LPP: variants seen among roughly 807,000 people sequenced by gnomAD.
The protein encoded by LPP is lipoma-preferred partner.
LPP carries 38 observed loss-of-function variants against 60.4 expected under a neutral mutation model. The observed-to-expected ratio is 0.63, with a 90% confidence interval of 0.49 to 0.83. The LOEUF (loss-of-function observed/expected upper bound fraction) is 0.83, where lower values mean the gene tolerates loss of function less well. Among genes scored for constraint, LPP ranks in the 40% least tolerant of loss-of-function variants. LPP has a pLI of 0.00. For synonymous variants in LPP, 328 were observed against 290.8 expected, an observed-to-expected ratio of 1.13 and a Z score of -1.30; for missense variants, 902 against 783.6, an observed-to-expected ratio of 1.15 and a Z score of -1.80.
At chr3:188,822,123 C>T (rs950178863) in intron 9 of LPP, among the ~76,000 whole-genome samples, 3 of 152,022 alleles carry the variant, frequency 2.0e-5, no homozygotes, top group Non-Finnish European at 4.4e-5. Flanking sequence ...ACCTTGGCAC[C>T]GAAAGGGTCT....
At chr3:188,164,525 T>C (rs1719340160) in intron 1 of LPP, among the ~76,000 whole-genome samples, 1 of 152,152 alleles carries the variant, frequency 6.6e-6, no homozygotes. Flanking sequence ...TTCTGTCTTG[T>C]TTGGTATGAA....
intron 2 of LPP, among the ~76,000 whole-genome samples, chr3:188,252,670 T>C (rs1730285345): frequency 6.6e-6 from 1 of 152,188 alleles, no homozygotes; most frequent in African/African-American, 2.4e-5. Flanking sequence ...ACATGTCCTA[T>C]TAGGAGTAAA....
intron 4 of LPP, among the ~76,000 whole-genome samples, chr3:188,465,705 G>T (rs1800210127): frequency 6.6e-6 from 1 of 152,170 alleles, no homozygotes; most frequent in South Asian, 2.1e-4. Context: ...GCGTGGGAAT[G>T]TGTGTATATT....
Position 188,427,211 on chromosome 3 carries a change from A to C in LPP, c.193+20898A>C, listed in dbSNP as rs183031624. 7.9e-5 allele frequency among the ~76,000 whole-genome samples: 12 copies of C among 152,322 alleles called. No individual in the cohort carries two copies. In the East Asian group the frequency reaches 1.5e-3, roughly 20 times the overall value. On this transcript the variant is annotated intron_variant, in intron 4 of 11. Coordinates refer to ENST00000617246, the MANE Select transcript of LPP (RefSeq NM_001375462.1). ...GGATTTTATTTCTTCTTCACTTATG[A>C]AGCTTAGTTTGGCTGGATATGAAAT...
chr3:188,470,996 C>T (rs765557799), intron 4 of LPP, among the ~76,000 whole-genome samples: 13 of 152,152 alleles, frequency 8.5e-5, no homozygotes, highest in Non-Finnish European at 1.6e-4. Context: ...TAGAGGATTC[C>T]TCCTTTTCAG....
intron 5 of LPP, among the ~76,000 whole-genome samples, chr3:188,516,237 A>C (rs1297355803): frequency 2.0e-5 from 3 of 152,206 alleles, no homozygotes; most frequent in African/African-American, 7.2e-5. Context: ...ACATCCCAAT[A>C]GGAATGCATT....
In LPP at chr3:188,609,890, C is replaced by T; in HGVS notation, c.1113+46C>T. ...AGGAGGAGAATACAGGGGTGCCTAT[C>T]TTAGTCTGCCTTCCCCAGGAAGCGA... On this transcript the variant is annotated intron_variant, in intron 7 of 11. Transcript: ENST00000617246. The surrounding 1 kb of genome is among the most constrained non-coding windows in gnomAD (Gnocchi z 6.9). 2 of 1,532,472 alleles carry T rather than the reference C, an allele frequency of 1.3e-6. No individual in the cohort carries two copies. The highest frequency in any genetic ancestry group is 1.8e-6 in the Non-Finnish European group (2 of 1,138,712). 94.9% of individuals were successfully genotyped at this position (1,532,472 alleles called of 1,614,324 possible).
intron 2 of LPP, among the ~76,000 whole-genome samples, chr3:188,324,359 C>T (rs1757787808): frequency 6.6e-6 from 1 of 152,196 alleles, no homozygotes; most frequent in South Asian, 2.1e-4. Context: ...TCACCTCCTG[C>T]TCCACTGTTG....
chr3:188,643,852 C>G (rs1850639115), intron 7 of LPP, among the ~76,000 whole-genome samples: 2 of 152,188 alleles, frequency 1.3e-5, no homozygotes, highest in South Asian at 4.1e-4. Context: ...AGTGGTAACC[C>G]AAATAGCTAT....
intron 3 of LPP, among the ~76,000 whole-genome samples, chr3:188,342,661 C>A (rs1409139804): frequency 6.6e-6 from 1 of 152,200 alleles, no homozygotes; most frequent in Non-Finnish European, 1.5e-5. Context: ...TGACCTCGAA[C>A]TGCAACCATG....
chr3:188,188,686 G>T (rs973176575), intron 1 of LPP, among the ~76,000 whole-genome samples: 2 of 152,276 alleles, frequency 1.3e-5, no homozygotes, highest in East Asian at 1.9e-4. Context: ...GGAATGGCAG[G>T]TTGTTAGAAT....
intron 2 of LPP, among the ~76,000 whole-genome samples, chr3:188,246,964 G>T (rs1188300637): frequency 6.6e-6 from 1 of 152,184 alleles, no homozygotes; most frequent in East Asian, 1.9e-4. Flanking sequence ...CCTGGAGAGA[G>T]AACTCTGGTT....
chr3:188,455,446 T>G (rs1350165593), intron 4 of LPP, among the ~76,000 whole-genome samples: 1 of 152,192 alleles, frequency 6.6e-6, no homozygotes, highest in Non-Finnish European at 1.5e-5. Context: ...TTAATTAATG[T>G]TTGGAGTGAA....
chr3:188,259,314 T>G (rs181419024), intron 2 of LPP, among the ~76,000 whole-genome samples: 26 of 152,258 alleles, frequency 1.7e-4, no homozygotes, highest in Non-Finnish European at 2.6e-4. Context: ...ACATTGAGTG[T>G]TCACCCCACA....
chr3:188,222,692 C>A (rs1188637556), intron 1 of LPP, among the ~76,000 whole-genome samples: 1 of 152,058 alleles, frequency 6.6e-6, no homozygotes, highest in Admixed American at 6.5e-5. Flanking sequence ...CCAGATAGAA[C>A]TGTGAAAATC....
chr3:188,714,871 C>G (rs1713151617), intron 8 of LPP, among the ~76,000 whole-genome samples: 1 of 152,090 alleles, frequency 6.6e-6, no homozygotes, highest in Non-Finnish European at 1.5e-5. Flanking sequence ...TTGAGAGGGC[C>G]TCTAAACACT....
chr3:188,613,267 T>TCTATAC (rs1472929827), intron 7 of LPP, among the ~76,000 whole-genome samples: 16 of 90,206 alleles, frequency 1.8e-4, no homozygotes, highest in South Asian at 1.2e-3. Context: ...TATACCTATA[T>TCTATAC]CTATATCTAT....
At chr3:188,198,111 G>A (rs1335696460) in intron 1 of LPP, among the ~76,000 whole-genome samples, 1 of 152,170 alleles carries the variant, frequency 6.6e-6, no homozygotes, top group Non-Finnish European at 1.5e-5. Context: ...CACTGTTCTA[G>A]CTGCTTTATT....
At chr3:188,351,053 T>C (rs1224380319) in intron 3 of LPP, among the ~76,000 whole-genome samples, 1 of 152,210 alleles carries the variant, frequency 6.6e-6, no homozygotes, top group Non-Finnish European at 1.5e-5. Flanking sequence ...TTATTTTGTA[T>C]TGCCATCTTT....
Sources: gnomAD v4.1 joint callset for allele counts (sites outside exome capture counted in the v4.1 genomes callset) on GRCh38, gnomAD v4.1.1 for gene constraint, Gnocchi (gnomAD v3.1) non-coding constraint, MANE v1.5 for transcripts, NCBI Gene and HGNC (gene_info 2026-07-23, HGNC 2026-07-21) for gene names.